The following DIXDC1 variants were observed in gnomAD, a reference collection of about 807,000 sequenced individuals.
DIXDC1 encodes the protein dixin.
Under a neutral mutation model 103.1 loss-of-function variants are expected in DIXDC1, and 64 were observed. The ratio of observed to expected loss-of-function variants is 0.62; its 90% CI spans 0.51 to 0.76. The LOEUF (loss-of-function observed/expected upper bound fraction) is 0.76. Among genes scored for constraint, DIXDC1 ranks in the 30% least tolerant of loss-of-function variants. DIXDC1 has a pLI of 0.00. For synonymous variants in DIXDC1, 266 were observed against 298.5 expected, an observed-to-expected ratio of 0.89 and a Z score of 1.12; for missense variants, 759 against 834.2, an observed-to-expected ratio of 0.91 and a Z score of 1.11.
rs587624567 is a variant in DIXDC1, at chr11:111,951,166, G to T, written c.61-13383G>T. ...TGCAAATACATTCAAAAACTTTGAT[G>T]AAATGGATAATTTCTTAGGTAAATA... On this transcript the variant is annotated intron_variant, in intron 1 of 19. Transcript: ENST00000440460. 9.3e-4 allele frequency among the ~76,000 whole-genome samples: 141 copies of T among 152,306 alleles called. 1 individual carries two copies. The highest frequency in any genetic ancestry group is 3.1e-3 in the African/African-American group (127 of 41,562).
At chr11:111,931,420 G>C (rs1478888568) in intron 2 of DIXDC1, among the ~76,000 whole-genome samples, 2 of 151,956 alleles carry the variant, frequency 1.3e-5, no homozygotes, top group South Asian at 4.1e-4. Context: ...GAGGCTGAGG[G>C]GGGTGGATCA....
chr11:111,982,534 TAA>T (rs782705521), intron 7 of DIXDC1, 47 bp downstream of exon 7: 1 of 1,583,152 alleles, frequency 6.3e-7, no homozygotes, highest in Non-Finnish European at 8.6e-7. Flanking sequence ...AATTGATTAT[TAA>T]GTCAGTATTA....
chr11:112,005,290 TGA>T (rs1861199528), intron 17 of DIXDC1, among the ~76,000 whole-genome samples: 2 of 152,006 alleles, frequency 1.3e-5, no homozygotes, highest in Admixed American at 1.3e-4. Context: ...AAAGTATACT[TGA>T]GAACAAGGAA....
Position 111,945,417 on chromosome 11 carries a change from A to G in DIXDC1, c.60+7858A>G, listed in dbSNP as rs587752814. 8.5e-5 allele frequency among the ~76,000 whole-genome samples: 13 copies of G among 152,280 alleles called. No individual in the cohort carries two copies. The South Asian group carries it at 2.5e-3, about 29-fold the overall frequency. The stretch of plus-strand genomic sequence containing the variant: ...TGTGACCAGTGGAGGGGGTGATACA[A>G]TACCAACCTGGTCATAGGACCCACC... On this transcript the variant is annotated intron_variant, in intron 1 of 19. Transcript: ENST00000440460.
intron 1 of DIXDC1, among the ~76,000 whole-genome samples, chr11:111,962,450 C>T (rs1189689282): frequency 4.6e-5 from 7 of 151,896 alleles, no homozygotes; most frequent in Non-Finnish European, 7.4e-5. Flanking sequence ...CCACTGCACT[C>T]CAGCCTGGGC....
At position 111,995,085 on chromosome 11, in the gene DIXDC1, G is replaced by A. The variant is rs782137611; in HGVS notation, c.1504G>A (p.Ala502Thr). The part of the protein sequence containing the change: ...GFLLPTAGKG[A>T]TSVSNRGTSD... The stretch of plus-strand genomic sequence containing the variant: ...TCTCCTTCCAACGGCAGGAAAAGGA[G>A]CTACTTCAGTCAGCAACAGAGGGGT... Residue 502 changes from alanine to threonine, a missense_variant, in exon 15 of 20, where the codon GCT becomes ACT. Ala to Thr is a moderately conservative substitution (Grantham distance 58). Around this residue, in one of 3 missense-constraint regions of DIXDC1, gnomAD observed 657 missense variants for 727.5 expected, o/e 0.90. Transcript: ENST00000440460. 15 of 1,613,604 alleles carry A rather than the reference G, an allele frequency of 9.3e-6. No individual in the cohort carries two copies. Among genetic ancestry groups the A allele is most frequent in the Non-Finnish European group, 1.2e-5 (14 of 1,179,902 alleles).
chr11:112,013,689 A>C (rs2137639552), intron 17 of DIXDC1, among the ~76,000 whole-genome samples: 1 of 152,248 alleles, frequency 6.6e-6, no homozygotes, highest in South Asian at 2.1e-4. Context: ...AAGGTCTTTC[A>C]AATTCATCCC....
At chr11:111,963,758 G>C (rs7113380) in intron 1 of DIXDC1, among the ~76,000 whole-genome samples, 6,349 of 152,238 alleles carry the variant, frequency 0.042, 439 homozygotes, top group African/African-American at 0.14. Flanking sequence ...TCCAAGGGTT[G>C]GAATGAGTTG....
At chr11:112,018,009 A>T in intron 19 of DIXDC1, 124 bp downstream of exon 19, 1 of 657,174 alleles carries the variant, frequency 1.5e-6, no homozygotes, top group Non-Finnish European at 2.6e-6. Flanking sequence ...AATTTGCCAG[A>T]GCCTCAGACC....
chr11:112,014,759 A>G (rs1861535495), intron 17 of DIXDC1, among the ~76,000 whole-genome samples: 1 of 152,250 alleles, frequency 6.6e-6, no homozygotes, highest in Admixed American at 6.5e-5. Flanking sequence ...ATGAATGAAT[A>G]AATTAAATAT....
intron 17 of DIXDC1, among the ~76,000 whole-genome samples, chr11:112,002,771 G>C (rs587749541): frequency 1.8e-4 from 27 of 152,238 alleles, no homozygotes; most frequent in African/African-American, 4.3e-4. Context: ...GTGAGATCCT[G>C]TCTCAAAAAC....
intron 17 of DIXDC1, among the ~76,000 whole-genome samples, chr11:112,008,383 C>A (rs1182167882): frequency 2.6e-5 from 4 of 152,166 alleles, no homozygotes; most frequent in Admixed American, 6.5e-5. Flanking sequence ...TTACACCCCA[C>A]TGTCAATATT....
In DIXDC1 at chr11:111,947,309, C is replaced by T. The variant is rs193217896; in HGVS notation, c.60+9750C>T. Among the ~76,000 whole-genome samples the T allele has an allele frequency of 3.3e-5, 5 of 152,278 alleles. No individual in the cohort carries two copies. In the East Asian group the frequency reaches 5.8e-4, roughly 18 times the overall value. ...AAAATGAAGAAATGAAACTACTAGT[C>T]CACCTTTCAGAGAGTAACAGCCTCC... is the stretch of plus-strand genomic sequence containing the variant. On this transcript the variant is annotated intron_variant, in intron 1 of 19. Transcript: ENST00000440460.
chr11:111,995,887 C>T (rs587674747), intron 16 of DIXDC1, among the ~76,000 whole-genome samples, 193 bp from the exon 17 acceptor site: 51 of 152,046 alleles, frequency 3.4e-4, no homozygotes, highest in East Asian at 2.5e-3. Context: ...AGAAAATATA[C>T]GGAAAATGCA....
chr11:111,936,721 G>T (rs1566449404), upstream of DIXDC1, among the ~76,000 whole-genome samples: 1 of 151,764 alleles, frequency 6.6e-6, no homozygotes, highest in Non-Finnish European at 1.5e-5. Context: ...TCTTTAGCTT[G>T]ACCTCACTGT....
At chr11:111,986,778 G>A (rs2137563654) in intron 8 of DIXDC1, 93 bp from the exon 9 acceptor site, 1 of 1,100,358 alleles carries the variant, frequency 9.1e-7, no homozygotes, top group East Asian at 2.6e-5. Flanking sequence ...TACAGAGCTG[G>A]CATCTAGTAG....
chr11:111,962,314 T>G (rs1273206583), intron 1 of DIXDC1, among the ~76,000 whole-genome samples: 9 of 152,232 alleles, frequency 5.9e-5, no homozygotes, highest in Admixed American at 5.2e-4. Context: ...AAACCCCATC[T>G]CTATTACAAA....
intron 7 of DIXDC1, 27 bp downstream of exon 7, chr11:111,982,514 T>G (rs1208120744): frequency 6.2e-7 from 1 of 1,603,560 alleles, no homozygotes; most frequent in East Asian, 2.2e-5. Context: ...TAGTTTGCCC[T>G]TGTTATACCA....
At chr11:111,939,719 C>G (rs1414708480) in intron 1 of DIXDC1, among the ~76,000 whole-genome samples, 1 of 152,184 alleles carries the variant, frequency 6.6e-6, no homozygotes, top group African/African-American at 2.4e-5. Flanking sequence ...TACAATATTA[C>G]ATTTAGTGCT....
Sources: allele counts gnomAD v4.1 joint callset (sites outside exome capture counted in the v4.1 genomes callset), GRCh38; gene constraint gnomAD v4.1.1; regional missense constraint gnomAD v4.1.1; transcripts MANE v1.5; gene names NCBI Gene and HGNC (gene_info 2026-07-23, HGNC 2026-07-21).